Variants in DISP3 observed in about 807,000 individuals in gnomAD.
DISP3 encodes the protein dispatched RND transporter family member 3.
In DISP3, 101 loss-of-function variants were observed where a neutral mutation model predicts 135.3. That is an observed-to-expected ratio of 0.75 (90% confidence interval 0.64 to 0.88). The LOEUF is 0.88. DISP3 is among the 40% of genes least tolerant of loss of function. DISP3 has a pLI of 0.00. For missense variants in DISP3, 1,713 were observed against 1,878.6 expected (o/e 0.91, Z 1.63); for synonymous variants, 856 against 817.0 (o/e 1.05, Z -0.81).
Position 11,520,840 on chromosome 1 carries a change from C to T in DISP3, c.2354C>T (p.Thr785Ile). 4.4e-6 allele frequency: 7 copies of T among 1,603,414 alleles called. No individual in the cohort carries two copies. Among genetic ancestry groups the T allele is most frequent in the Non-Finnish European group, 6.0e-6 (7 of 1,175,020 alleles). Residue 785 changes from threonine to isoleucine, a missense_variant, in exon 10 of 21, where the codon ACC becomes ATC. Thr to Ile is a moderately conservative substitution (Grantham distance 89, BLOSUM62 -1). Transcript: ENST00000294484. The surrounding 1 kb of genome is among the most constrained non-coding windows in gnomAD (Gnocchi z 4.8). ...NLSAEGISCI[T>I]CSGLFQEKPH... ...AGCGCCGAGGGCATCTCCTGCATCA[C>T]CTGTTCAGGTGAGGCTTCTAGCCAG...
chr1:11,530,408 T>G (rs973802837), intron 15 of DISP3, among the ~76,000 whole-genome samples: 5 of 152,182 alleles, frequency 3.3e-5, no homozygotes, highest in African/African-American at 1.2e-4. Flanking sequence ...TAAGGATTCC[T>G]AGGAGGAAGG....
At chr1:11,484,718 A>G (rs1295903898) in intron 1 of DISP3, among the ~76,000 whole-genome samples, 1 of 152,110 alleles carries the variant, frequency 6.6e-6, no homozygotes, top group Non-Finnish European at 1.5e-5. Flanking sequence ...GTGGCAGGTT[A>G]TGGTGTTTCT....
rs867455770 is a variant in DISP3, at chr1:11,529,839, G to C, written c.2982G>C (p.Thr994=). 1 of 1,613,988 alleles carries C rather than the reference G, an allele frequency of 6.2e-7. No individual in the cohort carries two copies. The highest frequency in any genetic ancestry group is 8.5e-7 in the Non-Finnish European group (1 of 1,180,022). The change falls in exon 15 of 21, where the codon ACG becomes ACC. Residue 994 remains threonine (T), a synonymous_variant. Coordinates refer to ENST00000294484, the MANE Select transcript of DISP3 (RefSeq NM_020780.2). This position sits in a 1 kb window ranked among gnomAD's most constrained non-coding sequence, Gnocchi z 4.7. ...ATFGFNPCVN[T]GCGKPAVRPL... The stretch of plus-strand genomic sequence containing the variant: ...TCGGCTTCAACCCCTGCGTGAACAC[G>C]GGCTGCGGGAAGCCGGCGGTGCGGC...
chr1:11,481,608 G>A (rs1640906362), intron 1 of DISP3: 1 of 152,242 alleles, frequency 6.6e-6, no homozygotes, highest in Non-Finnish European at 1.5e-5. Context: ...CTTAACCACA[G>A]ACTCCCAGTT....
rs764595297 is a variant in DISP3, at chr1:11,526,743, G to A, written c.2706G>A (p.Lys902=). The change falls in exon 13 of 21, where the codon AAG becomes AAA. Residue 902 remains lysine, a synonymous_variant. Coordinates refer to ENST00000294484, the MANE Select transcript of DISP3 (RefSeq NM_020780.2). The part of the protein sequence containing the change: ...GLLQAASPSR[K]WMLTTLACDA... ...TCCAGGCGGCGAGCCCCTCCCGCAA[G>A]TGGATGCTGACGACCTTGGCCTGTG... 10 of 1,613,966 alleles carry A rather than the reference G, an allele frequency of 6.2e-6. No individual in the cohort carries two copies. In the South Asian group the frequency reaches 9.9e-5, roughly 16 times the overall value.
At chr1:11,482,289 T>C (rs1640924397) in intron 1 of DISP3, among the ~76,000 whole-genome samples, 1 of 151,908 alleles carries the variant, frequency 6.6e-6, no homozygotes. Context: ...TCCTGCCCAG[T>C]GAGTAGGGGC....
intron 4 of DISP3, 108 bp from the exon 5 acceptor site, chr1:11,515,261 C>A: frequency 7.0e-7 from 1 of 1,420,618 alleles, no homozygotes. Context: ...GAATGGTGAC[C>A]AGGGTTGGGG....
At chr1:11,524,988 C>T (rs574994142) in intron 11 of DISP3, among the ~76,000 whole-genome samples, 188 bp from the exon 12 acceptor site, 2 of 149,808 alleles carry the variant, frequency 1.3e-5, no homozygotes, top group East Asian at 4.0e-4. Context: ...ATCCTGTGCC[C>T]ACCACCTCCC....
Position 11,516,166 on chromosome 1 carries a change from G to A in DISP3, c.1749+5G>A, listed in dbSNP as rs139045678. The A allele has an allele frequency of 9.8e-4, 1,580 of 1,612,700 alleles. 15 individuals carry two copies. In the South Asian group the frequency reaches 0.011, roughly 11 times the overall value. Reference sequence around the variant, plus strand: ...GCAGCTAACGTCTTCTCCCAGGTGCGGACCTGTCCTCCATTCCTGTCCTGG... The same window carrying A: ...GCAGCTAACGTCTTCTCCCAGGTGCAGACCTGTCCTCCATTCCTGTCCTGG... On this transcript the variant is annotated splice_donor_5th_base_variant and intron_variant, in intron 6 of 20. Coordinates refer to ENST00000294484, the MANE Select transcript of DISP3 (RefSeq NM_020780.2). This position sits in a 1 kb window ranked among gnomAD's most constrained non-coding sequence, Gnocchi z 5.1.
rs1038269509 is a variant in DISP3, at chr1:11,479,180, C to A, written c.-196C>A. ...GGGTTGCGAGCTGAGGACTGGGATT[C>A]GCGCGCAGCTTCCCGCGGTCTGCTT... On this transcript the variant is annotated 5_prime_UTR_variant, in exon 1 of 21. Coordinates refer to ENST00000294484, the MANE Select transcript of DISP3 (RefSeq NM_020780.2). 13 of 157,524 alleles carry A rather than the reference C, an allele frequency of 8.3e-5. No individual in the cohort carries two copies. The East Asian group carries it at 2.5e-3, about 30-fold the overall frequency. 9.8% of individuals were successfully genotyped at this position (157,524 alleles called of 1,614,324 possible).
rs1642524898 is a variant in DISP3 at position 11,529,745 on chromosome 1, T to C, written c.2930-42T>C. On this transcript the variant is annotated intron_variant, in intron 14 of 20. Coordinates refer to ENST00000294484, the MANE Select transcript of DISP3 (RefSeq NM_020780.2). This position sits in a 1 kb window ranked among gnomAD's most constrained non-coding sequence, Gnocchi z 4.7. ...AGCTGAGACCTCGGGGCTCAGGAGCTGGACCCTGCCTTCCCTTACAGCTGT... is the reference window on the plus strand; with the variant it reads ...AGCTGAGACCTCGGGGCTCAGGAGCCGGACCCTGCCTTCCCTTACAGCTGT... 1.2e-6 allele frequency: 2 copies of C among 1,603,202 alleles called. No homozygotes were observed. The highest frequency in any genetic ancestry group is 1.1e-5 in the South Asian group (1 of 90,556).
intron 1 of DISP3, among the ~76,000 whole-genome samples, chr1:11,496,313 C>T (rs147097375): frequency 7.9e-4 from 120 of 152,230 alleles, no homozygotes; most frequent in Middle Eastern, 3.4e-3. Context: ...TCATGGGCCC[C>T]GGCAAGGCCC....
chr1:11,530,046 T>TC (rs1400148262), intron 15 of DISP3, 87 bp downstream of exon 15: 1 of 1,522,412 alleles, frequency 6.6e-7, no homozygotes, highest in African/African-American at 1.4e-5. Flanking sequence ...CATGTCCAGC[T>TC]CCTCACACCC....
chr1:11,523,336 C>CT (rs1022940919), intron 10 of DISP3, among the ~76,000 whole-genome samples: 6 of 152,196 alleles, frequency 3.9e-5, no homozygotes, highest in Admixed American at 3.9e-4. Flanking sequence ...TTGGGTCACT[C>CT]TAACAGTCAC....
chr1:11,502,039 C>A lies in DISP3; in HGVS notation c.1047C>A (p.Gly349=). Residue 349 remains glycine, a synonymous_variant, in exon 2 of 21, where the codon GGC becomes GGA. Transcript: ENST00000294484. The part of the protein sequence containing the change: ...LMTYFFPTER[G]GKIYYDGMGQ... ...CCTACTTTTTTCCCACCGAGAGGGG[C>A]GGCAAGATCTACTATGACGGCATGG... 1 of 1,601,878 alleles carries A rather than the reference C, an allele frequency of 6.2e-7. No individual in the cohort carries two copies. Among genetic ancestry groups the A allele is most frequent in the Non-Finnish European group, 8.5e-7 (1 of 1,173,976 alleles).
intron 3 of DISP3, among the ~76,000 whole-genome samples, chr1:11,510,510 A>G (rs1357206697): frequency 6.6e-6 from 1 of 151,004 alleles, no homozygotes; most frequent in Non-Finnish European, 1.5e-5. Context: ...GTATATTATA[A>G]ACCCCACCCT....
Position 11,519,449 on chromosome 1 carries a change from C to T in DISP3, c.1984C>T (p.Pro662Ser), listed in dbSNP as rs756526687. The T allele has an allele frequency of 5.0e-6, 8 of 1,613,692 alleles. No homozygotes were observed. The highest frequency in any genetic ancestry group is 1.1e-5 in the South Asian group (1 of 91,088). Residue 662 changes from proline (P) to serine (S), a missense_variant, in exon 8 of 21, where the codon CCC (proline) becomes TCC (serine). Physicochemically the swap from Pro to Ser is moderately conservative, Grantham distance 74. This residue lies in a region of DISP3 where 1,142 missense variants were observed against 1,384.6 expected (regional missense o/e 0.82). Coordinates refer to ENST00000294484, the MANE Select transcript of DISP3 (RefSeq NM_020780.2). This position sits in a 1 kb window ranked among gnomAD's most constrained non-coding sequence, Gnocchi z 4.3. ...EQVGGSPAQG[P>S]IPYLDDDIPL... is the part of the protein sequence containing the mutation. ...GGTTGGAGGCAGCCCTGCCCAGGGC[C>T]CCATACCCTACCTGGATGATGACAT... is the stretch of plus-strand genomic sequence containing the variant.
chr1:11,513,216 A>G (rs940390144), intron 3 of DISP3, among the ~76,000 whole-genome samples: 2 of 152,192 alleles, frequency 1.3e-5, no homozygotes, highest in Non-Finnish European at 2.9e-5. Context: ...CCCAGGAGTT[A>G]GAGGCCATAG....
At chr1:11,496,111 GT>G (rs1008953174) in intron 1 of DISP3, among the ~76,000 whole-genome samples, 90 of 150,540 alleles carry the variant, frequency 6.0e-4, no homozygotes, top group Non-Finnish European at 1.1e-3. Flanking sequence ...ATAGATGTGC[GT>G]TTTTTTTTTC....
Sources: allele counts gnomAD v4.1 joint callset (sites outside exome capture counted in the v4.1 genomes callset), GRCh38; gene constraint gnomAD v4.1.1; regional missense constraint gnomAD v4.1.1; non-coding constraint Gnocchi (gnomAD v3.1); transcripts MANE v1.5; gene names NCBI Gene and HGNC (gene_info 2026-07-23, HGNC 2026-07-21).